CPA6: variants seen among roughly 807,000 people sequenced by gnomAD.
CPA6 encodes the protein carboxypeptidase B.
In CPA6, 58 loss-of-function variants were observed where a neutral mutation model predicts 63.3. The observed-to-expected ratio is 0.92, with a 90% CI of 0.74 to 1.14. The LOEUF (loss-of-function observed/expected upper bound fraction) is 1.14. Ranked by LOEUF, CPA6 falls within the 50% of genes most tolerant of loss-of-function variation. CPA6 has a pLI of 0.00. For missense variants in CPA6, 565 were observed against 526.6 expected (o/e 1.07, Z -0.71); for synonymous variants, 185 against 179.0 (o/e 1.03, Z -0.27).
intron 1 of CPA6, among the ~76,000 whole-genome samples, chr8:67,644,059 G>T (rs913030027): frequency 1.3e-5 from 2 of 151,978 alleles, no homozygotes; most frequent in Non-Finnish European, 2.9e-5. Flanking sequence ...GATTGAGGGG[G>T]GTTGGCAGTA....
intron 2 of CPA6, among the ~76,000 whole-genome samples, chr8:67,582,898 A>G (rs1246282679): frequency 6.6e-6 from 1 of 151,926 alleles, no homozygotes. Flanking sequence ...AGGTTGTGGT[A>G]TTGTGTTGAA....
At chr8:67,572,050 T>C (rs569573864) in intron 2 of CPA6, among the ~76,000 whole-genome samples, 1 of 150,594 alleles carries the variant, frequency 6.6e-6, no homozygotes, top group African/African-American at 2.4e-5. Flanking sequence ...TCATGAAAAA[T>C]TATAGGACAA....
At chr8:67,612,227 C>A (rs1050392243) in intron 2 of CPA6, among the ~76,000 whole-genome samples, 4 of 152,128 alleles carry the variant, frequency 2.6e-5, no homozygotes, top group Non-Finnish European at 4.4e-5. Context: ...TCCTGCCATT[C>A]CATTGTTTAT....
At chr8:67,466,896 C>T (rs774814448) in intron 8 of CPA6, among the ~76,000 whole-genome samples, 11 of 152,132 alleles carry the variant, frequency 7.2e-5, no homozygotes, top group South Asian at 4.2e-4. Context: ...ATATCTGTCA[C>T]GTATAAATAT....
intron 9 of CPA6, 148 bp from the exon 10 acceptor site, chr8:67,428,279 C>T: frequency 1.9e-6 from 1 of 537,850 alleles, no homozygotes; most frequent in Non-Finnish European, 3.3e-6. Flanking sequence ...ACTCTTATGT[C>T]ACACGCTACA....
intron 1 of CPA6, among the ~76,000 whole-genome samples, chr8:67,647,838 C>A (rs970540407): frequency 6.6e-6 from 1 of 152,114 alleles, no homozygotes; most frequent in Non-Finnish European, 1.5e-5. Flanking sequence ...ATGTTCCAGG[C>A]CATTATATGT....
At chr8:67,524,937 A>T (rs1433601843) in intron 2 of CPA6, among the ~76,000 whole-genome samples, 1 of 152,158 alleles carries the variant, frequency 6.6e-6, no homozygotes, top group Non-Finnish European at 1.5e-5. Context: ...ATTTAGGTAT[A>T]ATCCTAGACT....
intron 2 of CPA6, among the ~76,000 whole-genome samples, chr8:67,585,699 A>G (rs914296364): frequency 6.6e-6 from 1 of 152,142 alleles, no homozygotes; most frequent in Non-Finnish European, 1.5e-5. Context: ...GGAAGGTTTG[A>G]TATGTTGATA....
chr8:67,746,216 G>C lies in CPA6; in HGVS notation c.-87C>G. On this transcript the variant is annotated 5_prime_UTR_variant, in exon 1 of 11. Coordinates refer to ENST00000297770, the MANE Select transcript of CPA6 (RefSeq NM_020361.5). ...ACAGCACCCTCTACACACCGCACAG[G>C]TTCTCCGGGAAGGGGGTGGGCGAGG... is the stretch of plus-strand genomic sequence containing the variant. The C allele has an allele frequency of 1.2e-6, 1 of 855,088 alleles. No homozygotes were observed. Among genetic ancestry groups the C allele is most frequent in the Non-Finnish European group, 1.8e-6 (1 of 560,138 alleles). 53.0% of individuals were successfully genotyped at this position (855,088 alleles called of 1,614,324 possible).
intron 1 of CPA6, among the ~76,000 whole-genome samples, chr8:67,685,406 A>C (rs1008963716): frequency 6.6e-6 from 1 of 152,148 alleles, no homozygotes; most frequent in Non-Finnish European, 1.5e-5. Flanking sequence ...TCACGAGGTC[A>C]GGAGATCAAG....
intron 2 of CPA6, among the ~76,000 whole-genome samples, chr8:67,610,736 A>G (rs1366334795): frequency 6.6e-6 from 1 of 152,132 alleles, no homozygotes; most frequent in Non-Finnish European, 1.5e-5. Context: ...CTTTCTCACT[A>G]TCAGCTGGCC....
intron 1 of CPA6, among the ~76,000 whole-genome samples, chr8:67,668,398 G>T (rs1156449148): frequency 6.6e-6 from 1 of 152,198 alleles, no homozygotes; most frequent in African/African-American, 2.4e-5. Context: ...CACACAGGCA[G>T]TTCTCTACTG....
intron 6 of CPA6, among the ~76,000 whole-genome samples, chr8:67,503,238 C>T (rs565187975): frequency 1.7e-4 from 26 of 151,784 alleles, no homozygotes; most frequent in African/African-American, 5.8e-4. Flanking sequence ...AGGGTTTTAC[C>T]ATGTTGGCCA....
chr8:67,475,875 CTT>C (rs1204027312), intron 8 of CPA6, among the ~76,000 whole-genome samples: 2,084 of 71,654 alleles, frequency 0.029, 75 homozygotes, highest in African/African-American at 0.055. Context: ...TTCTTTCTTT[CTT>C]TCTCCTTTCT....
At chr8:67,649,953 A>T (rs1159471220) in intron 1 of CPA6, among the ~76,000 whole-genome samples, 1 of 152,200 alleles carries the variant, frequency 6.6e-6, no homozygotes, top group Non-Finnish European at 1.5e-5. Context: ...AGGACAAAGA[A>T]TTAGTAAAGT....
chr8:67,742,858 T>C (rs1817938046), intron 1 of CPA6, among the ~76,000 whole-genome samples: 3 of 152,196 alleles, frequency 2.0e-5, no homozygotes, highest in Middle Eastern at 3.2e-3. Context: ...TCAAAAATCA[T>C]GGCCATGTTA....
intron 1 of CPA6, among the ~76,000 whole-genome samples, chr8:67,627,946 C>T (rs1019672615): frequency 6.6e-6 from 1 of 152,196 alleles, no homozygotes; most frequent in African/African-American, 2.4e-5. Flanking sequence ...AGAAAGGGAA[C>T]ACGATCTCCA....
chr8:67,444,888 A>G (rs28701648), intron 8 of CPA6, among the ~76,000 whole-genome samples: 24,024 of 152,182 alleles, frequency 0.16, 2,025 homozygotes, highest in East Asian at 0.24. Context: ...CACACTAGGA[A>G]GGAATTGTCA....
At chr8:67,721,854 G>C (rs1283787224) in intron 1 of CPA6, among the ~76,000 whole-genome samples, 4 of 152,140 alleles carry the variant, frequency 2.6e-5, no homozygotes, top group Admixed American at 2.6e-4. Context: ...CTCTTTACGT[G>C]TCTTAAAGGT....
Sources: allele counts gnomAD v4.1 joint callset (sites outside exome capture counted in the v4.1 genomes callset), GRCh38; gene constraint gnomAD v4.1.1; transcripts MANE v1.5; gene names NCBI Gene and HGNC (gene_info 2026-07-23, HGNC 2026-07-21).